SFMBT2: variants seen among roughly 807,000 people sequenced by gnomAD.
SFMBT2 encodes the protein scm-like with four MBT domains protein 2.
Under a neutral mutation model 110.1 loss-of-function variants are expected in SFMBT2, and 38 were observed. The observed-to-expected ratio is 0.35, with a 90% CI of 0.27 to 0.45. The LOEUF is 0.45. Ranked by LOEUF, SFMBT2 falls within the 20% of genes least tolerant of loss-of-function variation. SFMBT2 has a pLI of 1.00. For missense variants in SFMBT2, 1,011 were observed against 1,094.9 expected (o/e 0.92, Z 1.08); for synonymous variants, 425 against 425.4 (o/e 1.00, Z 0.01).
intron 4 of SFMBT2, among the ~76,000 whole-genome samples, chr10:7,355,041 T>C (rs35540523): frequency 0.013 from 2,048 of 152,346 alleles, 14 homozygotes; most frequent in Middle Eastern, 0.027. Context: ...ATAATTTATG[T>C]TCTAGTCACA....
intron 15 of SFMBT2, among the ~76,000 whole-genome samples, chr10:7,195,321 C>A (rs1422413441): frequency 6.6e-6 from 1 of 152,198 alleles, no homozygotes; most frequent in Non-Finnish European, 1.5e-5. Flanking sequence ...AGCGGTCCTG[C>A]TGCTTAACCA....
At position 7,367,950 on chromosome 10, in the gene SFMBT2, T is replaced by C. The variant is rs1588486469; in HGVS notation, c.196-61A>G. 1 of 1,564,450 alleles carries C rather than the reference T, an allele frequency of 6.4e-7. No individual in the cohort carries two copies. The highest frequency in any genetic ancestry group is 2.3e-5 in the East Asian group (1 of 44,312). On this transcript the variant is annotated intron_variant, in intron 3 of 20. Coordinates refer to ENST00000397167, the MANE Select transcript of SFMBT2 (RefSeq NM_001387889.1). This position sits in a 1 kb window ranked among gnomAD's most constrained non-coding sequence, Gnocchi z 6.2. ...CACTAGACACAATACATCCAGAAGATGACAAAAACCACTAAAAAATATGGC... is the reference window on the plus strand; with the variant it reads ...CACTAGACACAATACATCCAGAAGACGACAAAAACCACTAAAAAATATGGC...
At chr10:7,387,987 G>A (rs1845661532) in intron 1 of SFMBT2, among the ~76,000 whole-genome samples, 1 of 151,636 alleles carries the variant, frequency 6.6e-6, no homozygotes, top group African/African-American at 2.4e-5. Context: ...TAAACGTGGA[G>A]GTACCAGCAG....
intron 1 of SFMBT2, among the ~76,000 whole-genome samples, chr10:7,409,133 C>T (rs1846303459): frequency 6.8e-6 from 1 of 148,018 alleles, no homozygotes; most frequent in Admixed American, 6.7e-5. Context: ...AAGCTTCGGT[C>T]CCGGTCCCCC....
rs965812170 is a variant in SFMBT2, at chr10:7,158,857, A to G, written c.*4913T>C. 6.6e-6 allele frequency: 1 copy of G among 152,196 alleles called. No individual in the cohort carries two copies. The highest frequency in any genetic ancestry group is 1.5e-5 in the Non-Finnish European group (1 of 68,040). 9.4% of individuals were successfully genotyped at this position (152,196 alleles called of 1,614,324 possible). A position where few individuals can be genotyped will look rare whatever the true frequency, so the allele number is the denominator to read the frequency against. On this transcript the variant is annotated 3_prime_UTR_variant, in exon 21 of 21. Coordinates refer to ENST00000397167, the MANE Select transcript of SFMBT2 (RefSeq NM_001387889.1). Reference sequence around the variant, plus strand: ...TCCCTTTTACGCACCAAAAACATACACAAGATAGGAATCCAATTTCAATAC... The same window carrying G: ...TCCCTTTTACGCACCAAAAACATACGCAAGATAGGAATCCAATTTCAATAC...
At chr10:7,366,180 C>T (rs890869225) in intron 4 of SFMBT2, among the ~76,000 whole-genome samples, 2 of 152,020 alleles carry the variant, frequency 1.3e-5, no homozygotes, top group Non-Finnish European at 2.9e-5. Context: ...TAGGAAAGAG[C>T]GGGTGCAAAG....
chr10:7,193,603 A>C (rs1013352381), intron 15 of SFMBT2, among the ~76,000 whole-genome samples: 5 of 152,158 alleles, frequency 3.3e-5, no homozygotes, highest in Non-Finnish European at 7.3e-5. Context: ...CAGCTGAAAC[A>C]GTCACTCCAG....
At chr10:7,208,686 CA>C (rs5782957) in intron 11 of SFMBT2, among the ~76,000 whole-genome samples, 67,163 of 138,202 alleles carry the variant, frequency 0.49, 16,393 homozygotes, top group East Asian at 0.83. Flanking sequence ...AATTCCATCT[CA>C]AAAAAAAAAA....
At chr10:7,288,614 G>A (rs1259086896) in intron 4 of SFMBT2, among the ~76,000 whole-genome samples, 2 of 152,150 alleles carry the variant, frequency 1.3e-5, no homozygotes, top group Non-Finnish European at 2.9e-5. Flanking sequence ...CAAGCCAAAT[G>A]AACTAAAATC....
intron 9 of SFMBT2, among the ~76,000 whole-genome samples, chr10:7,242,408 T>A (rs1253635725): frequency 6.6e-6 from 1 of 152,114 alleles, no homozygotes; most frequent in Non-Finnish European, 1.5e-5. Flanking sequence ...AGACCTACGA[T>A]CCAAATGACC....
In SFMBT2 at chr10:7,293,458, G is replaced by A. The variant is rs915110674; in HGVS notation, c.437-7504C>T. Among the ~76,000 whole-genome samples, 2 of 152,076 alleles carry A rather than the reference G, an allele frequency of 1.3e-5. No individual in the cohort carries two copies. The highest frequency in any genetic ancestry group is 2.1e-4 in the South Asian group (1 of 4,820). ...TGGGATTCGCTGATGGGCTACAAGAGAAGTAGAACACAGAAATGTCCCTGA... is the reference window on the plus strand; with the variant it reads ...TGGGATTCGCTGATGGGCTACAAGAAAAGTAGAACACAGAAATGTCCCTGA... On this transcript the variant is annotated intron_variant, in intron 4 of 20. Coordinates refer to ENST00000397167, the MANE Select transcript of SFMBT2 (RefSeq NM_001387889.1). This position sits in a 1 kb window ranked among gnomAD's most constrained non-coding sequence, Gnocchi z 4.6.
At chr10:7,176,403 C>T (rs1838055387) in intron 16 of SFMBT2, 2 of 863,098 alleles carry the variant, frequency 2.3e-6, no homozygotes, top group Non-Finnish European at 2.8e-6. Context: ...AACACCCCCA[C>T]ATGTAGCACA....
chr10:7,226,776 A>G lies in SFMBT2; in HGVS notation c.1203+1079T>C, dbSNP rs541847364. ...CAGTCAATGATGAAATGCGTATACA[A>G]TGGTGGTCCCATATGATTATATGGT... is the stretch of plus-strand genomic sequence containing the variant. On this transcript the variant is annotated intron_variant, in intron 10 of 20. Coordinates refer to ENST00000397167, the MANE Select transcript of SFMBT2 (RefSeq NM_001387889.1). Among the ~76,000 whole-genome samples, 16 of 152,316 alleles carry G rather than the reference A, an allele frequency of 1.1e-4. No homozygotes were observed. The South Asian group carries it at 3.1e-3, about 30-fold the overall frequency.
chr10:7,210,182 T>C (rs1588341599), intron 11 of SFMBT2, among the ~76,000 whole-genome samples: 1 of 152,056 alleles, frequency 6.6e-6, no homozygotes, highest in South Asian at 2.1e-4. Context: ...ACACCACGGC[T>C]CCACCCAGCC....
At chr10:7,267,397 G>A (rs1480830453) in intron 7 of SFMBT2, among the ~76,000 whole-genome samples, 4 of 152,150 alleles carry the variant, frequency 2.6e-5, no homozygotes, top group East Asian at 1.9e-4. Flanking sequence ...GGTGTGAAGC[G>A]GAGAGAGGCT....
intron 1 of SFMBT2, among the ~76,000 whole-genome samples, chr10:7,397,506 A>G (rs76634837): frequency 6.6e-6 from 1 of 152,152 alleles, no homozygotes; most frequent in African/African-American, 2.4e-5. Context: ...GTCTAAATCA[A>G]AGAGAAAGCT....
intron 1 of SFMBT2, among the ~76,000 whole-genome samples, chr10:7,396,993 A>G (rs1268689602): frequency 6.6e-6 from 1 of 152,048 alleles, no homozygotes; most frequent in East Asian, 1.9e-4. Context: ...AACATGGCAC[A>G]TGTATACATA....
At chr10:7,278,893 C>T (rs548091718) in intron 6 of SFMBT2, among the ~76,000 whole-genome samples, 1 of 152,116 alleles carries the variant, frequency 6.6e-6, no homozygotes, top group East Asian at 1.9e-4. Flanking sequence ...GCCAGGCCAA[C>T]ATGGTGAAAC....
At chr10:7,269,453 CT>C (rs1386668857) in intron 7 of SFMBT2, among the ~76,000 whole-genome samples, 3 of 152,102 alleles carry the variant, frequency 2.0e-5, no homozygotes, top group Admixed American at 6.5e-5. Flanking sequence ...CCCATTTCAT[CT>C]AAAGTGTAAA....
Sources: gnomAD v4.1 joint callset for allele counts (sites outside exome capture counted in the v4.1 genomes callset) on GRCh38, gnomAD v4.1.1 for gene constraint, Gnocchi (gnomAD v3.1) non-coding constraint, MANE v1.5 for transcripts, NCBI Gene and HGNC (gene_info 2026-07-23, HGNC 2026-07-21) for gene names.